Variants in ZNF343 observed in about 807,000 individuals in gnomAD.
ZNF343 encodes zinc finger protein 343.
A neutral mutation model predicts 13.8 loss-of-function variants in ZNF343; 11 were observed. The observed-to-expected ratio is 0.80, with a 90% confidence interval of 0.50 to 1.32. The LOEUF (loss-of-function observed/expected upper bound fraction) is 1.32, where lower values mean the gene tolerates loss of function less well. Among genes scored for constraint, ZNF343 ranks in the 40% most tolerant of loss-of-function variants. The pLI, the probability that ZNF343 is intolerant of heterozygous loss-of-function variation, is 0.00. For synonymous variants in ZNF343, 248 were observed against 260.0 expected (o/e 0.95, Z 0.44); for missense variants, 658 against 714.2 (o/e 0.92, Z 0.90).
At position 2,483,914 on chromosome 20, in the gene ZNF343, C is replaced by T. The variant is rs1259879758; in HGVS notation, c.1047G>A (p.Glu349=). The change falls in exon 6 of 6, where the codon GAG becomes GAA. Residue 349 remains glutamate (E), a synonymous_variant. Transcript: ENST00000278772. ...ILNRHQWTHS[E]EKPYVCSECG... The stretch of plus-strand genomic sequence containing the variant: ...ACTCGCTGCAAACATAGGGCTTCTC[C>T]TCTGAGTGAGTCCACTGATGTCTAT... The T allele has an allele frequency of 6.2e-7, 1 of 1,613,994 alleles. No individual in the cohort carries two copies. The highest frequency in any genetic ancestry group is 8.5e-7 in the Non-Finnish European group (1 of 1,180,038).
intron 1 of ZNF343, among the ~76,000 whole-genome samples, 187 bp from the exon 2 acceptor site, chr20:2,500,929 G>T (rs2085552635): frequency 6.6e-6 from 1 of 152,216 alleles, no homozygotes; most frequent in South Asian, 2.1e-4. Flanking sequence ...GAGGTACCGG[G>T]TTTATCTCAC....
chr20:2,487,837 CT>C (rs1169522473), intron 5 of ZNF343, among the ~76,000 whole-genome samples: 1 of 152,214 alleles, frequency 6.6e-6, no homozygotes, highest in East Asian at 1.9e-4. Context: ...TTCTGTCAAC[CT>C]TTTTAAATGC....
chr20:2,502,482 A>G (rs999703114), intron 1 of ZNF343, among the ~76,000 whole-genome samples: 10 of 152,168 alleles, frequency 6.6e-5, no homozygotes, highest in African/African-American at 2.4e-4. Flanking sequence ...ATACTCCTCG[A>G]GAAGAGCAAC....
intron 1 of ZNF343, among the ~76,000 whole-genome samples, chr20:2,522,102 A>T (rs999004093): frequency 6.6e-6 from 1 of 152,224 alleles, no homozygotes; most frequent in Non-Finnish European, 1.5e-5. Context: ...CACTTGTTTT[A>T]ATATCAACTG....
At chr20:2,513,393 AAC>A (rs1315652710), upstream of ZNF343, among the ~76,000 whole-genome samples, 59 of 152,348 alleles carry the variant, frequency 3.9e-4, no homozygotes, top group African/African-American at 1.3e-3. Flanking sequence ...TAATTAGAGA[AAC>A]ACAAACTAAA....
Position 2,493,551 on chromosome 20 carries a change from G to A in ZNF343, c.145C>T (p.Pro49Ser). Residue 49 changes from proline to serine, a missense_variant, in exon 4 of 6, where the codon CCC (proline) becomes TCC (serine). Transcript: ENST00000278772. ...TGGGCCTTTCCCTCCTTTTTCTGGG[G>A]GCAGTCAGTATCATTAGAAGGCAAG... ...KGLPSNDTDC[P>S]QKKEGKAQIV... The A allele has an allele frequency of 6.2e-7, 1 of 1,613,728 alleles. No homozygotes were observed. The highest frequency in any genetic ancestry group is 8.5e-7 in the Non-Finnish European group (1 of 1,179,926).
At chr20:2,524,974 T>C (rs1263719812), upstream of ZNF343, among the ~76,000 whole-genome samples, 1 of 152,192 alleles carries the variant, frequency 6.6e-6, no homozygotes, top group Non-Finnish European at 1.5e-5. Context: ...CGGAGTCGAA[T>C]GGAATCCCCG....
chr20:2,508,342 C>G lies in ZNF343; in HGVS notation c.-237+539G>C, dbSNP rs145626270. Among the ~76,000 whole-genome samples, 2 of 152,006 alleles carry G rather than the reference C, an allele frequency of 1.3e-5. No individual in the cohort carries two copies. Among genetic ancestry groups the G allele is most frequent in the Non-Finnish European group, 2.9e-5 (2 of 68,020 alleles). On this transcript the variant is annotated intron_variant, in intron 1 of 5. Transcript: ENST00000278772. The surrounding 1 kb of genome is among the most constrained non-coding windows in gnomAD (Gnocchi z 4.5). ...CATCAAGGCCTGAGACGGCCTCCCC[C>G]TAACCACCCCGGTCACCACTCGGGA...
intron 1 of ZNF343, among the ~76,000 whole-genome samples, chr20:2,514,560 C>G (rs2085751090): frequency 1.3e-5 from 2 of 152,096 alleles, no homozygotes; most frequent in African/African-American, 4.8e-5. Flanking sequence ...CTTCTCGTTG[C>G]TAGTCAAATC....
At chr20:2,515,541 C>T (rs888450346) in intron 1 of ZNF343, among the ~76,000 whole-genome samples, 1 of 152,190 alleles carries the variant, frequency 6.6e-6, no homozygotes. Flanking sequence ...TTTTGAACTA[C>T]TACTGCTAAA....
intron 3 of ZNF343, 35 bp from the exon 4 acceptor site, chr20:2,493,612 C>T: frequency 8.4e-7 from 1 of 1,193,370 alleles, no homozygotes; most frequent in Non-Finnish European, 1.2e-6. Context: ...AGAAACCAGA[C>T]CCCCCCACCC....
chr20:2,503,093 G>A (rs1299635516), intron 1 of ZNF343, among the ~76,000 whole-genome samples: 1 of 152,102 alleles, frequency 6.6e-6, no homozygotes, highest in Non-Finnish European at 1.5e-5. Context: ...ACATACATAG[G>A]CTCAAAATAA....
intron 1 of ZNF343, among the ~76,000 whole-genome samples, chr20:2,500,944 G>A (rs1361506498): frequency 6.6e-6 from 1 of 152,200 alleles, no homozygotes; most frequent in Admixed American, 6.5e-5. Flanking sequence ...TCTCACTGGG[G>A]AGTGTCAGAA....
intron 5 of ZNF343, among the ~76,000 whole-genome samples, chr20:2,491,152 A>G (rs1321849648): frequency 2.0e-5 from 3 of 152,238 alleles, no homozygotes; most frequent in African/African-American, 7.2e-5. Flanking sequence ...AGGAATATCT[A>G]GAACAGTACT....
intron 1 of ZNF343, among the ~76,000 whole-genome samples, chr20:2,502,299 A>C (rs955550016): frequency 2.0e-5 from 3 of 152,212 alleles, no homozygotes; most frequent in African/African-American, 7.2e-5. Flanking sequence ...CCTCCAAGAA[A>C]TATGGGACTA....
intron 1 of ZNF343, among the ~76,000 whole-genome samples, chr20:2,515,854 TCA>T (rs1380189607): frequency 6.6e-6 from 1 of 152,048 alleles, no homozygotes; most frequent in African/African-American, 2.4e-5. Flanking sequence ...AGAGTGAGCG[TCA>T]CACAGTCAGG....
intron 5 of ZNF343, chr20:2,486,672 A>T (rs1315063870): frequency 6.6e-6 from 1 of 152,192 alleles, no homozygotes; most frequent in Non-Finnish European, 1.5e-5. Flanking sequence ...AGGCTGTGGC[A>T]GGAGAATTGC....
chr20:2,510,110 T>C (rs2085729546), upstream of ZNF343, among the ~76,000 whole-genome samples: 1 of 152,198 alleles, frequency 6.6e-6, no homozygotes, highest in South Asian at 2.1e-4. Context: ...CAGATAAAAG[T>C]TTTATTTTTT....
rs1600079356 is a variant in ZNF343 at position 2,508,445 on chromosome 20, G to A, written c.-237+436C>T. On this transcript the variant is annotated intron_variant, in intron 1 of 5. Coordinates refer to ENST00000278772, the MANE Select transcript of ZNF343 (RefSeq NM_024325.6). The surrounding 1 kb of genome is among the most constrained non-coding windows in gnomAD (Gnocchi z 4.5). Reference sequence around the variant, plus strand: ...ACGCTCCCCAGCCAAAAACCACCCAGGGATGTGCGGACCTAGCCACGTCCC... The same window carrying A: ...ACGCTCCCCAGCCAAAAACCACCCAAGGATGTGCGGACCTAGCCACGTCCC... Among the ~76,000 whole-genome samples the A allele has an allele frequency of 6.6e-6, 1 of 152,130 alleles. No homozygotes were observed. The highest frequency in any genetic ancestry group is 2.1e-4 in the South Asian group (1 of 4,820).
Sources: gnomAD v4.1 joint callset for allele counts (sites outside exome capture counted in the v4.1 genomes callset) on GRCh38, gnomAD v4.1.1 for gene constraint, Gnocchi (gnomAD v3.1) non-coding constraint, MANE v1.5 for transcripts, NCBI Gene and HGNC (gene_info 2026-07-23, HGNC 2026-07-21) for gene names.